PIWIL4: variants seen among roughly 807,000 people sequenced by gnomAD.
PIWIL4 encodes the protein piwi-like protein 4.
Under a neutral mutation model 100.9 loss-of-function variants are expected in PIWIL4, and 50 were observed. The observed-to-expected ratio is 0.50, with a 90% CI of 0.39 to 0.63. The LOEUF is 0.63. PIWIL4 is among the 20% of genes least tolerant of loss of function. The probability of loss-of-function intolerance (pLI) is 0.00; values close to 1 mark genes in which losing one functional copy is unlikely to be tolerated. For synonymous variants in PIWIL4, 342 were observed against 367.5 expected (o/e 0.93, Z 0.79); for missense variants, 887 against 1,043.3 (o/e 0.85, Z 2.06).
chr11:94,576,931 G>A (rs1591777229), intron 3 of PIWIL4, among the ~76,000 whole-genome samples: 4 of 152,350 alleles, frequency 2.6e-5, no homozygotes. Flanking sequence ...AGCAGCATCT[G>A]AAAATATTAC....
intron 2 of PIWIL4, among the ~76,000 whole-genome samples, chr11:94,574,697 GTC>G (rs887052221): frequency 6.6e-6 from 1 of 152,022 alleles, no homozygotes; most frequent in Non-Finnish European, 1.5e-5. Context: ...GCCCAGGCTG[GTC>G]TCTAACTCCT....
In PIWIL4 at chr11:94,593,600, C is replaced by G; in HGVS notation, c.1109C>G (p.Ala370Gly). 2 of 1,614,024 alleles carry G rather than the reference C, an allele frequency of 1.2e-6. No individual in the cohort carries two copies. Among genetic ancestry groups the G allele is most frequent in the Non-Finnish European group, 1.7e-6 (2 of 1,179,958 alleles). Residue 370 changes from alanine to glycine, a missense_variant, in exon 9 of 20, where the codon GCT (alanine) becomes GGT (glycine). Coordinates refer to ENST00000299001, the MANE Select transcript of PIWIL4 (RefSeq NM_152431.3). ...AAGAAGAGAAATGACAACAGTGAGG[C>G]TCAGCTCGCCCACCTGATACCTGAG... is the stretch of plus-strand genomic sequence containing the variant. Reference protein sequence around the residue: ...LKKKRNDNSEAQLAHLIPELC... With the variant: ...LKKKRNDNSEGQLAHLIPELC...
intron 17 of PIWIL4, among the ~76,000 whole-genome samples, 171 bp from the exon 18 acceptor site, chr11:94,619,586 TAAA>T (rs1300192335): frequency 6.6e-6 from 1 of 152,210 alleles, no homozygotes; most frequent in Non-Finnish European, 1.5e-5. Flanking sequence ...ATCCCTAATT[TAAA>T]AAATTGTATG....
In PIWIL4 at chr11:94,567,417, C is replaced by T; in HGVS notation, c.-102C>T. 3 of 1,082,310 alleles carry T rather than the reference C, an allele frequency of 2.8e-6. No homozygotes were observed. The highest frequency in any genetic ancestry group is 1.3e-6 in the Non-Finnish European group (1 of 786,642). 67.0% of individuals were successfully genotyped at this position (1,082,310 alleles called of 1,614,324 possible). A position where few individuals can be genotyped will look rare whatever the true frequency, so the allele number is the denominator to read the frequency against. ...GTGGATGCTGGACATCCACCGCCTC[C>T]AGGCAGTTTCGCCGTCACACCGTCG... On this transcript the variant is annotated 5_prime_UTR_variant, in exon 1 of 20. It introduces an in-frame stop codon into an upstream open reading frame of the 5' UTR. Coordinates refer to ENST00000299001, the MANE Select transcript of PIWIL4 (RefSeq NM_152431.3).
chr11:94,613,479 C>G (rs1948809404), intron 15 of PIWIL4, among the ~76,000 whole-genome samples: 1 of 152,156 alleles, frequency 6.6e-6, no homozygotes, highest in Non-Finnish European at 1.5e-5. Context: ...GCTACGTGTA[C>G]CTGGATGTTC....
chr11:94,604,113 A>G (rs1591798220), intron 13 of PIWIL4, 57 bp downstream of exon 13: 1 of 1,172,194 alleles, frequency 8.5e-7, no homozygotes, highest in Non-Finnish European at 1.2e-6. Context: ...TCTGCTTTAT[A>G]TCTACAGTCT....
intron 2 of PIWIL4, among the ~76,000 whole-genome samples, chr11:94,569,075 T>C (rs1487208031): frequency 6.6e-6 from 1 of 152,228 alleles, no homozygotes; most frequent in Non-Finnish European, 1.5e-5. Flanking sequence ...GAAAAAATGC[T>C]TTAAAAATCT....
At chr11:94,572,922 C>T (rs190562860) in intron 2 of PIWIL4, among the ~76,000 whole-genome samples, 8 of 152,290 alleles carry the variant, frequency 5.3e-5, no homozygotes, top group South Asian at 2.1e-4. Context: ...TATCCATGAG[C>T]GTGGAATGTT....
chr11:94,616,655 C>T lies in PIWIL4; in HGVS notation c.2014+92C>T, dbSNP rs147473842. 1.1e-4 allele frequency: 114 copies of T among 999,586 alleles called. No individual in the cohort carries two copies. In the African/African-American group the frequency reaches 1.7e-3, roughly 15 times the overall value. 61.9% of individuals were successfully genotyped at this position (999,586 alleles called of 1,614,324 possible). A position where few individuals can be genotyped will look rare whatever the true frequency, so the allele number is the denominator to read the frequency against. On this transcript the variant is annotated intron_variant, in intron 16 of 19. Transcript: ENST00000299001. ...TTATAGAAGACCACATAGGTCAGAG[C>T]AAACTCTCTACACCTGTCTTTGTCA... is the stretch of plus-strand genomic sequence containing the variant.
At chr11:94,610,822 T>C (rs1019454927) in intron 15 of PIWIL4, among the ~76,000 whole-genome samples, 1 of 152,202 alleles carries the variant, frequency 6.6e-6, no homozygotes, top group African/African-American at 2.4e-5. Context: ...ATTATATTGT[T>C]GTATTTTTGG....
At position 94,610,975 on chromosome 11, in the gene PIWIL4, C is replaced by T. The variant is rs114770916; in HGVS notation, c.1943+2289C>T. Among the ~76,000 whole-genome samples, 1,330 of 152,150 alleles carry T rather than the reference C, an allele frequency of 8.7e-3. 18 individuals are homozygous for T. The highest frequency in any genetic ancestry group is 0.03 in the African/African-American group (1,256 of 41,512). On this transcript the variant is annotated intron_variant, in intron 15 of 19. Coordinates refer to ENST00000299001, the MANE Select transcript of PIWIL4 (RefSeq NM_152431.3). ...TGTATATGGTATAAGGGTCCAATTT[C>T]GTTTTTTTACATGTGAATATCTAGT...
chr11:94,602,290 C>CT (rs1948653383), intron 12 of PIWIL4, among the ~76,000 whole-genome samples: 1 of 152,096 alleles, frequency 6.6e-6, no homozygotes, highest in African/African-American at 2.4e-5. Flanking sequence ...ACTGTTTTTC[C>CT]TTCTTTCAGA....
intron 8 of PIWIL4, 52 bp from the exon 9 acceptor site, chr11:94,593,466 C>T: frequency 6.3e-7 from 1 of 1,575,882 alleles, no homozygotes; most frequent in Non-Finnish European, 8.6e-7. Context: ...AGGATGCTCA[C>T]CTGGCGGTGC....
At chr11:94,577,224 T>C (rs1591777417) in intron 3 of PIWIL4, 54 bp from the exon 4 acceptor site, 13 of 1,386,704 alleles carry the variant, frequency 9.4e-6, no homozygotes, top group East Asian at 2.3e-5. Context: ...GTGATTAATA[T>C]TAACATGATG....
intron 2 of PIWIL4, among the ~76,000 whole-genome samples, chr11:94,574,242 G>T (rs1172973293): frequency 1.3e-5 from 2 of 152,170 alleles, no homozygotes; most frequent in Non-Finnish European, 2.9e-5. Context: ...TAGGGGGAAT[G>T]ACCTAGAATA....
intron 2 of PIWIL4, among the ~76,000 whole-genome samples, chr11:94,571,897 C>T (rs925818259): frequency 5.9e-5 from 9 of 152,218 alleles, no homozygotes; most frequent in African/African-American, 2.2e-4. Flanking sequence ...TGTACAGTCC[C>T]ACCAACAGTG....
At chr11:94,611,714 A>G (rs1251333747) in intron 15 of PIWIL4, among the ~76,000 whole-genome samples, 1 of 151,590 alleles carries the variant, frequency 6.6e-6, no homozygotes, top group African/African-American at 2.4e-5. Flanking sequence ...AGAGCCTGGC[A>G]TGTCTCTTGA....
Position 94,601,893 on chromosome 11 carries a change from CAG to C in PIWIL4, c.1481_1482del (p.Arg494AsnfsTer2), listed in dbSNP as rs1185839994. 4 of 1,613,996 alleles carry C rather than the reference CAG, an allele frequency of 2.5e-6. No homozygotes were observed. In the East Asian group the frequency reaches 6.7e-5, roughly 27 times the overall value. ...LNTWLILCSDRTEYVAESFLN... is the reference protein window; with the variant it reads ...LNTWLILCSDXTEYVAESFLN... ...ATACCTGGTTGATTTTATGTAGCGA[CAG>C]AACTGAATATGTTGCCGAGAGCTTT... On this transcript the variant is annotated frameshift_variant, in exon 12 of 20. Coordinates refer to ENST00000299001, the MANE Select transcript of PIWIL4 (RefSeq NM_152431.3). LOFTEE classifies it high-confidence loss of function.
chr11:94,606,678 G>A (rs1001559382), intron 13 of PIWIL4, among the ~76,000 whole-genome samples: 4 of 151,940 alleles, frequency 2.6e-5, no homozygotes, highest in African/African-American at 9.7e-5. Context: ...ACTAAAATTA[G>A]AAAAAATTAG....
Sources: gnomAD v4.1 joint callset for allele counts (sites outside exome capture counted in the v4.1 genomes callset) on GRCh38, gnomAD v4.1.1 for gene constraint, MANE v1.5 for transcripts, NCBI Gene and HGNC (gene_info 2026-07-23, HGNC 2026-07-21) for gene names.